The following RASAL1 variants were observed in gnomAD, a reference collection of about 807,000 sequenced individuals.
The protein encoded by RASAL1 is RAS protein activator like 1.
In RASAL1, 72 loss-of-function variants were observed where a neutral mutation model predicts 96.6. The ratio of observed to expected loss-of-function variants is 0.75; its 90% CI spans 0.62 to 0.91. The LOEUF (loss-of-function observed/expected upper bound fraction) is 0.91. Ranked by LOEUF, RASAL1 falls within the 40% of genes least tolerant of loss-of-function variation. RASAL1 has a pLI of 0.00. For missense variants in RASAL1, 1,016 were observed against 1,072.5 expected (o/e 0.95, Z 0.74); for synonymous variants, 405 against 430.4 (o/e 0.94, Z 0.73).
intron 7 of RASAL1, 138 bp downstream of exon 7, chr12:113,118,990 C>A: frequency 3.6e-6 from 4 of 1,102,354 alleles, no homozygotes; most frequent in Non-Finnish European, 5.2e-6. Flanking sequence ...CTGCAACACT[C>A]AGGCCTAACC....
At chr12:113,124,103 A>G (rs544260546) in intron 4 of RASAL1, among the ~76,000 whole-genome samples, 10 of 152,010 alleles carry the variant, frequency 6.6e-5, no homozygotes, top group Non-Finnish European at 1.2e-4. Context: ...CTGCAATCCC[A>G]GCTACTCCAG....
At chr12:113,104,718 T>G (rs1950586486) in intron 16 of RASAL1, among the ~76,000 whole-genome samples, 2 of 152,010 alleles carry the variant, frequency 1.3e-5, no homozygotes, top group Non-Finnish European at 2.9e-5. Flanking sequence ...GCCAGGCTGG[T>G]CTCGAACTCC....
In RASAL1 at chr12:113,135,404, T is replaced by G. The variant is rs1042680675; in HGVS notation, c.59A>C (p.Lys20Thr). The G allele has an allele frequency of 3.1e-6, 5 of 1,609,036 alleles. No homozygotes were observed. The highest frequency in any genetic ancestry group is 3.4e-6 in the Non-Finnish European group (4 of 1,178,154). ...RVVEGRALPA[K>T]DVSGSSDPYC... is the part of the protein sequence containing the mutation. The stretch of plus-strand genomic sequence containing the variant: ...GCGCCCGAGGAGTACTCACACGTCC[T>G]TGGCAGGCAGCGCGCGGCCCTCCAC... The change falls in exon 1 of 21, where the codon AAG (lysine) becomes ACG (threonine). Residue 20 changes from lysine to threonine, a missense_variant. By Grantham distance (78) the Lys-to-Thr change is moderately conservative. Coordinates refer to ENST00000548055, the MANE Select transcript of RASAL1 (RefSeq NM_001301202.2). This position sits in a 1 kb window ranked among gnomAD's most constrained non-coding sequence, Gnocchi z 5.7.
At chr12:113,103,325 G>T (rs1950527301) in intron 18 of RASAL1, among the ~76,000 whole-genome samples, 4 of 151,616 alleles carry the variant, frequency 2.6e-5, no homozygotes, top group African/African-American at 9.7e-5. Context: ...TTAACAAAAG[G>T]CCGGGCACGG....
chr12:113,131,088 T>A (rs1426523236), intron 1 of RASAL1, 147 bp from the exon 2 acceptor site: 3 of 619,784 alleles, frequency 4.8e-6, no homozygotes, highest in Non-Finnish European at 8.6e-6. Flanking sequence ...AGCTCAGAAG[T>A]AGAACCTTAG....
chr12:113,121,385 C>G (rs1001994468), intron 5 of RASAL1, 124 bp downstream of exon 5: 1 of 1,476,384 alleles, frequency 6.8e-7, no homozygotes, highest in East Asian at 2.3e-5. Flanking sequence ...CACAGGGAAC[C>G]TGACTGCCAG....
rs748405985 is a variant in RASAL1, at chr12:113,128,145, G to A, written c.156C>T (p.Phe52=). 1.9e-6 allele frequency: 3 copies of A among 1,613,826 alleles called. No individual in the cohort carries two copies. The Admixed American group carries it at 5.0e-5, about 27-fold the overall frequency. ...GGTGCACCGTGTACTCCTCCCCCCA[G>A]AAGGGGCCCAGGCTCCTCCAGACAG... The part of the protein sequence containing the change: ...TATVWRSLGP[F]WGEEYTVHLP... The change falls in exon 3 of 21, where the codon TTC becomes TTT. Residue 52 remains phenylalanine (F), a synonymous_variant. Coordinates refer to ENST00000548055, the MANE Select transcript of RASAL1 (RefSeq NM_001301202.2).
rs781002376 is a variant in RASAL1, at chr12:113,108,233, G to A, written c.1375-11C>T. The A allele has an allele frequency of 2.5e-6, 4 of 1,607,706 alleles. No homozygotes were observed. Among genetic ancestry groups the A allele is most frequent in the South Asian group, 1.1e-5 (1 of 89,566 alleles). On this transcript the variant is annotated splice_polypyrimidine_tract_variant and intron_variant, in intron 13 of 20. Coordinates refer to ENST00000548055, the MANE Select transcript of RASAL1 (RefSeq NM_001301202.2). ...CAGGTACTTCACATCCTGCTGGGAG[G>A]AGCAGAAGGTAAGAGGAGCCCCCCA...
chr12:113,115,597 TGAG>T lies in RASAL1; in HGVS notation c.1003+35_1003+37del. 1.2e-6 allele frequency: 2 copies of T among 1,604,074 alleles called. No individual in the cohort carries two copies. The highest frequency in any genetic ancestry group is 1.7e-6 in the Non-Finnish European group (2 of 1,174,872). On this transcript the variant is annotated intron_variant, in intron 10 of 20. Transcript: ENST00000548055. This position sits in a 1 kb window ranked among gnomAD's most constrained non-coding sequence, Gnocchi z 4.1. Reference sequence around the variant, plus strand: ...CAGGACCCTCCTGCAAGCCCACCATTGAGGGCGGTGATGTCGGGGGTTGTGCGG... The same window carrying T: ...CAGGACCCTCCTGCAAGCCCACCATTGGCGGTGATGTCGGGGGTTGTGCGG...
chr12:113,135,409 A>G lies in RASAL1; in HGVS notation c.54T>C (p.Pro18=). 1 of 1,609,468 alleles carries G rather than the reference A, an allele frequency of 6.2e-7. No individual in the cohort carries two copies. Among genetic ancestry groups the G allele is most frequent in the South Asian group, 1.1e-5 (1 of 90,290 alleles). The change falls in exon 1 of 21, where the codon CCT becomes CCC. Residue 18 remains proline, a synonymous_variant. Coordinates refer to ENST00000548055, the MANE Select transcript of RASAL1 (RefSeq NM_001301202.2). This position sits in a 1 kb window ranked among gnomAD's most constrained non-coding sequence, Gnocchi z 5.7. The part of the protein sequence containing the change: ...NVRVVEGRAL[P]AKDVSGSSDP... ...CGAGGAGTACTCACACGTCCTTGGC[A>G]GGCAGCGCGCGGCCCTCCACCACGC... is the stretch of plus-strand genomic sequence containing the variant.
At chr12:113,122,550 C>G (rs1488204150) in intron 4 of RASAL1, among the ~76,000 whole-genome samples, 3 of 152,166 alleles carry the variant, frequency 2.0e-5, no homozygotes, top group South Asian at 4.1e-4. Context: ...GTCTCGAACT[C>G]CTGAACTCAA....
intron 15 of RASAL1, 55 bp from the exon 16 acceptor site, chr12:113,105,941 C>G (rs567433332): frequency 6.5e-7 from 1 of 1,535,642 alleles, no homozygotes; most frequent in Non-Finnish European, 8.9e-7. Context: ...ACCAGGCTCA[C>G]CTTGCTCCAC....
chr12:113,128,972 GACACACACACAC>G (rs35122341), intron 2 of RASAL1, among the ~76,000 whole-genome samples: 11 of 142,830 alleles, frequency 7.7e-5, no homozygotes, highest in African/African-American at 2.5e-4. Flanking sequence ...CACAGTCACT[GACACACACACAC>G]ACACACACAC....
At position 113,115,856 on chromosome 12, in the gene RASAL1, G is replaced by C; in HGVS notation, c.850-68C>G. The C allele has an allele frequency of 6.3e-7, 1 of 1,593,966 alleles. No homozygotes were observed. The highest frequency in any genetic ancestry group is 8.6e-7 in the Non-Finnish European group (1 of 1,167,454). On this transcript the variant is annotated intron_variant, in intron 9 of 20. Transcript: ENST00000548055. This position sits in a 1 kb window ranked among gnomAD's most constrained non-coding sequence, Gnocchi z 4.1. ...CCCCAAAGCAGATGGGCCTAGATAG[G>C]GCTCCGTGAGGCAGGGGGAGGCCAG...
chr12:113,119,304 A>T, intron 6 of RASAL1, 45 bp from the exon 7 acceptor site: 2 of 1,610,614 alleles, frequency 1.2e-6, no homozygotes, highest in Non-Finnish European at 1.7e-6. Context: ...GCTGATGGGG[A>T]CTCCTGCCCC....
intron 2 of RASAL1, 100 bp from the exon 3 acceptor site, chr12:113,128,278 A>ACT (rs1451337960): frequency 2.9e-6 from 2 of 693,360 alleles, no homozygotes; most frequent in African/African-American, 3.6e-5. Context: ...ACACACACAC[A>ACT]CACGGGAATC....
intron 1 of RASAL1, among the ~76,000 whole-genome samples, chr12:113,132,239 T>C (rs71465882): frequency 0.11 from 17,203 of 152,046 alleles, 1,037 homozygotes; most frequent in East Asian, 0.2. Context: ...TCCCAAAGTG[T>C]TGGGATTACA....
At position 113,104,150 on chromosome 12, in the gene RASAL1, T is replaced by TG; in HGVS notation, c.1968+10dup. On this transcript the variant is annotated intron_variant, in intron 17 of 20. Transcript: ENST00000548055. Reference sequence around the variant, plus strand: ...GGACGCCCCCCGCTCCCCATCGCGGTGGGGTCTCACCTTGCACTGGAGGTA... The same window carrying TG: ...GGACGCCCCCCGCTCCCCATCGCGGTGGGGGTCTCACCTTGCACTGGAGGTA... 1 of 1,598,002 alleles carries TG rather than the reference T, an allele frequency of 6.3e-7. No individual in the cohort carries two copies. Among genetic ancestry groups the TG allele is most frequent in the Non-Finnish European group, 8.6e-7 (1 of 1,167,742 alleles).
rs886184658 is a variant in RASAL1 at position 113,107,459 on chromosome 12, C to G, written c.1513-218G>C. ...CCAACATGGTGATACCTCATCTCTACTAAAAATGCAAAAATTAGCTGGTCG... is the reference window on the plus strand; with the variant it reads ...CCAACATGGTGATACCTCATCTCTAGTAAAAATGCAAAAATTAGCTGGTCG... On this transcript the variant is annotated intron_variant, in intron 14 of 20. Coordinates refer to ENST00000548055, the MANE Select transcript of RASAL1 (RefSeq NM_001301202.2). 3 of 651,924 alleles carry G rather than the reference C, an allele frequency of 4.6e-6. No homozygotes were observed. The African/African-American group carries it at 5.4e-5, about 12-fold the overall frequency. The allele number at this position is 651,924 out of a possible 1,614,324, so 40.4% of individuals were successfully genotyped here. A position where few individuals can be genotyped will look rare whatever the true frequency, so the allele number is the denominator to read the frequency against.
Sources: gnomAD v4.1 joint callset for allele counts (sites outside exome capture counted in the v4.1 genomes callset) on GRCh38, gnomAD v4.1.1 for gene constraint, Gnocchi (gnomAD v3.1) non-coding constraint, MANE v1.5 for transcripts, NCBI Gene and HGNC (gene_info 2026-07-23, HGNC 2026-07-21) for gene names.